CUBN: variants seen among roughly 807,000 people sequenced by gnomAD.
The protein encoded by CUBN is 460 kDa receptor.
In CUBN, 282 loss-of-function variants were observed where a neutral mutation model predicts 405.3. The ratio of observed to expected loss-of-function variants is 0.70; its 90% confidence interval spans 0.63 to 0.77. The LOEUF (loss-of-function observed/expected upper bound fraction) is 0.77. Among genes scored for constraint, CUBN ranks in the 30% least tolerant of loss-of-function variants. The pLI is 0.00. For synonymous variants in CUBN, 1,684 were observed against 1,617.0 expected, an observed-to-expected ratio of 1.04 and a Z score of -0.99; for missense variants, 4,514 against 4,475.2, an observed-to-expected ratio of 1.01 and a Z score of -0.25.
chr10:16,977,291 C>T (rs1833127359), intron 31 of CUBN, among the ~76,000 whole-genome samples: 2 of 152,132 alleles, frequency 1.3e-5, no homozygotes, highest in African/African-American at 4.8e-5. Context: ...TGGCCTGCCA[C>T]ACCCCCTTAT....
At position 16,888,420 on chromosome 10, in the gene CUBN, C is replaced by T; in HGVS notation, c.8902G>A (p.Glu2968Lys). The change falls in exon 56 of 67, where the codon GAA becomes AAA. Residue 2968 changes from glutamate to lysine, a missense_variant. Transcript: ENST00000377833. ...TTTTTTAAAAGAATAAACTTACCTT[C>T]TAAGTGGAAGGACACAAAAGTCAAG... ...VLLTFVSFHL[E>K]ARSAVTGSCV... 6.2e-7 allele frequency: 1 copy of T among 1,612,468 alleles called. No homozygotes were observed. Among genetic ancestry groups the T allele is most frequent in the Non-Finnish European group, 8.5e-7 (1 of 1,178,692 alleles).
In CUBN at chr10:17,114,160, C is replaced by T. The variant is rs772511064; in HGVS notation, c.750G>A (p.Gly250=). The T allele has an allele frequency of 2.9e-5, 47 of 1,613,716 alleles. No individual in the cohort carries two copies. Among genetic ancestry groups the T allele is most frequent in the African/African-American group, 6.7e-5 (5 of 74,932 alleles). ...EPKYSCVCDA[G]WMFSPNSPAC... ...CAGGGCTGTTGGGTGAAAACATCCA[C>T]CCAGCATCACAGACGCAGCTGTACT... The change falls in exon 8 of 67, where the codon GGG becomes GGA. Residue 250 remains glycine (G), a synonymous_variant. Transcript: ENST00000377833.
rs913888107 is a variant in CUBN, at chr10:16,962,007, C to T, written c.4696-7459G>A. On this transcript the variant is annotated intron_variant, in intron 31 of 66. Coordinates refer to ENST00000377833, the MANE Select transcript of CUBN (RefSeq NM_001081.4). ...GATTACAGGCGTGAGCCATGGCGCC[C>T]GGCCGGAAAAGCAATCTTTATTGAC... 3.4e-4 allele frequency among the ~76,000 whole-genome samples: 51 copies of T among 152,128 alleles called. 1 individual carries two copies. Among genetic ancestry groups the T allele is most frequent in the Admixed American group, 3.2e-3 (49 of 15,282 alleles).
intron 32 of CUBN, among the ~76,000 whole-genome samples, chr10:16,952,647 C>T (rs1842950974): frequency 6.6e-6 from 1 of 152,130 alleles, no homozygotes; most frequent in African/African-American, 2.4e-5. Flanking sequence ...TATGAATTGC[C>T]TAAGTCATTC....
At chr10:16,897,689 C>A (rs935048810) in intron 54 of CUBN, among the ~76,000 whole-genome samples, 7 of 152,074 alleles carry the variant, frequency 4.6e-5, no homozygotes, top group African/African-American at 1.4e-4. Context: ...TGGCTTCCTG[C>A]GGGGGCTGCT....
At chr10:16,938,757 C>A (rs1271574986) in intron 38 of CUBN, among the ~76,000 whole-genome samples, 1 of 152,040 alleles carries the variant, frequency 6.6e-6, no homozygotes, top group African/African-American at 2.4e-5. Context: ...TCCTAAAAAA[C>A]CCCTTAGATA....
intron 22 of CUBN, among the ~76,000 whole-genome samples, chr10:17,063,764 C>T (rs1456780580): frequency 2.0e-5 from 3 of 152,194 alleles, no homozygotes; most frequent in Non-Finnish European, 4.4e-5. Flanking sequence ...GAGGCCCTGC[C>T]TGTATTATAT....
At chr10:17,052,041 A>AG (rs1835281335) in intron 22 of CUBN, among the ~76,000 whole-genome samples, 1 of 147,462 alleles carries the variant, frequency 6.8e-6, no homozygotes, top group African/African-American at 2.7e-5. Flanking sequence ...CACAGAAGCC[A>AG]GTTGGGGCGG....
intron 14 of CUBN, among the ~76,000 whole-genome samples, chr10:17,093,909 A>G (rs994714): frequency 0.54 from 81,824 of 151,890 alleles, 22,685 homozygotes; most frequent in East Asian, 0.67. Context: ...TAAAACCATA[A>G]GAACTATTAG....
intron 43 of CUBN, among the ~76,000 whole-genome samples, chr10:16,924,993 G>T (rs1588655205): frequency 1.3e-5 from 2 of 152,088 alleles, no homozygotes; most frequent in South Asian, 4.1e-4. Flanking sequence ...TTTCACTTTG[G>T]TCACTAATTA....
chr10:17,087,460 A>ATTTTTGTT (rs1564510318), intron 15 of CUBN, among the ~76,000 whole-genome samples: 1 of 99,098 alleles, frequency 1.0e-5, no homozygotes. Context: ...AATCACTATT[A>ATTTTTGTT]TTTTTCTTTT....
At position 17,111,066 on chromosome 10, in the gene CUBN, G is replaced by T. The variant is rs2131308902; in HGVS notation, c.884-16C>A. On this transcript the variant is annotated splice_polypyrimidine_tract_variant and intron_variant, in intron 8 of 66. Transcript: ENST00000377833. ...CCTTGCCAGCCTAGGAAAACAAGAGGATTTAAAAGTTTAGCTCTATAGACA... is the reference window on the plus strand; with the variant it reads ...CCTTGCCAGCCTAGGAAAACAAGAGTATTTAAAAGTTTAGCTCTATAGACA... 6.2e-7 allele frequency: 1 copy of T among 1,613,838 alleles called. No homozygotes were observed. Among genetic ancestry groups the T allele is most frequent in the Non-Finnish European group, 8.5e-7 (1 of 1,179,868 alleles).
At chr10:17,012,298 G>C (rs996492120) in intron 28 of CUBN, among the ~76,000 whole-genome samples, 1 of 152,234 alleles carries the variant, frequency 6.6e-6, no homozygotes, top group Admixed American at 6.5e-5. Flanking sequence ...GTTGGTATAA[G>C]AGTTTGAAAG....
intron 24 of CUBN, among the ~76,000 whole-genome samples, chr10:17,045,695 A>G (rs1248139529): frequency 1.3e-5 from 2 of 152,102 alleles, no homozygotes; most frequent in Non-Finnish European, 2.9e-5. Context: ...CCCAATTTCC[A>G]TTAATGCAAT....
chr10:17,123,690 C>T lies in CUBN; in HGVS notation c.388-1G>A. On this transcript the variant is annotated splice_acceptor_variant, in intron 4 of 66. Transcript: ENST00000377833. LOFTEE classifies it high-confidence loss of function. ...TGCTGCAAACCTTTTTGTCAACAGTCTGAAACAAAAACAGGACAGTCAATG... is the reference window on the plus strand; with the variant it reads ...TGCTGCAAACCTTTTTGTCAACAGTTTGAAACAAAAACAGGACAGTCAATG... 6.2e-7 allele frequency: 1 copy of T among 1,611,730 alleles called. No homozygotes were observed. Among genetic ancestry groups the T allele is most frequent in the Non-Finnish European group, 8.5e-7 (1 of 1,178,154 alleles).
chr10:17,082,331 C>T (rs1835990966), intron 17 of CUBN, among the ~76,000 whole-genome samples: 1 of 152,128 alleles, frequency 6.6e-6, no homozygotes, highest in African/African-American at 2.4e-5. Context: ...AACTTTAATC[C>T]CCTTCTGGCT....
At chr10:16,860,955 C>A (rs750953664) in intron 59 of CUBN, among the ~76,000 whole-genome samples, 3 of 152,220 alleles carry the variant, frequency 2.0e-5, no homozygotes, top group Admixed American at 6.5e-5. Context: ...CAGCTCAAAA[C>A]AATGACTGGC....
chr10:16,833,931 A>T (rs968151561), intron 64 of CUBN, among the ~76,000 whole-genome samples: 2 of 152,236 alleles, frequency 1.3e-5, no homozygotes, highest in Non-Finnish European at 2.9e-5. Flanking sequence ...TAGAGGAACA[A>T]GCACACTTTT....
chr10:16,843,019 CTGTTT>C (rs1839400668), intron 60 of CUBN, among the ~76,000 whole-genome samples: 1 of 152,210 alleles, frequency 6.6e-6, no homozygotes, highest in Non-Finnish European at 1.5e-5. Context: ...TAGCATCATC[CTGTTT>C]TATTTTCCTA....
Sources: allele counts gnomAD v4.1 joint callset (sites outside exome capture counted in the v4.1 genomes callset), GRCh38; gene constraint gnomAD v4.1.1; transcripts MANE v1.5; gene names NCBI Gene and HGNC (gene_info 2026-07-23, HGNC 2026-07-21).